Variants in TLN2 observed in about 807,000 individuals in gnomAD.
TLN2 encodes talin-2.
In TLN2, 118 loss-of-function variants were observed where a neutral mutation model predicts 294.7. The observed-to-expected ratio is 0.40, with a 90% CI of 0.34 to 0.47. The LOEUF is 0.47. Among genes scored for constraint, TLN2 ranks in the 20% least tolerant of loss-of-function variants. TLN2 has a pLI of 0.84. For missense variants in TLN2, 3,083 were observed against 3,282.2 expected, an observed-to-expected ratio of 0.94 and a Z score of 1.48; for synonymous variants, 1,431 against 1,304.5, an observed-to-expected ratio of 1.10 and a Z score of -2.09.
At chr15:62,622,514 G>A in intron 3 of TLN2, among the ~76,000 whole-genome samples, 1 of 152,168 alleles carries the variant, frequency 6.6e-6, no homozygotes, top group East Asian at 1.9e-4. Context: ...TGATAATCAT[G>A]AAGGGGACAC....
chr15:62,775,212 T>A (rs1460856392), intron 42 of TLN2, among the ~76,000 whole-genome samples: 1 of 149,564 alleles, frequency 6.7e-6, no homozygotes, highest in Non-Finnish European at 1.5e-5. Context: ...TGCCTCGGCC[T>A]GAATTGCTGG....
At chr15:62,745,510 A>G (rs558976837) in intron 32 of TLN2, among the ~76,000 whole-genome samples, 3 of 152,300 alleles carry the variant, frequency 2.0e-5, no homozygotes, top group East Asian at 3.9e-4. Context: ...ACCTTTTAAT[A>G]TATGTCGTTC....
At chr15:62,672,269 T>G (rs961557559) in intron 9 of TLN2, among the ~76,000 whole-genome samples, 3 of 152,242 alleles carry the variant, frequency 2.0e-5, no homozygotes, top group African/African-American at 7.2e-5. Context: ...TCTCCTCATT[T>G]ACAGTTTTCA....
At chr15:62,585,291 C>T (rs910949462) in intron 1 of TLN2, among the ~76,000 whole-genome samples, 37 of 152,156 alleles carry the variant, frequency 2.4e-4, no homozygotes, top group African/African-American at 8.9e-4. Context: ...TGTCTTTTTT[C>T]TTTAATGCTG....
chr15:62,631,441 TCTTCCTTC>T (rs1311377998), intron 3 of TLN2, among the ~76,000 whole-genome samples: 1 of 151,124 alleles, frequency 6.6e-6, no homozygotes, highest in African/African-American at 2.4e-5. Context: ...TTTCTTCCTT[TCTTCCTTC>T]CTTTCTCTTT....
At chr15:62,413,858 A>G (rs1566952735) in intron 1 of TLN2, among the ~76,000 whole-genome samples, 1 of 152,072 alleles carries the variant, frequency 6.6e-6, no homozygotes, top group Non-Finnish European at 1.5e-5. Flanking sequence ...TAGATTACAC[A>G]TTGTCTTGGT....
intron 1 of TLN2, among the ~76,000 whole-genome samples, chr15:62,484,971 G>C (rs1373003734): frequency 6.6e-6 from 1 of 152,150 alleles, no homozygotes; most frequent in African/African-American, 2.4e-5. Flanking sequence ...CTTCCTTCAG[G>C]AAGCTCCAAG....
At position 62,393,606 on chromosome 15, in the gene TLN2, A is replaced by G. The variant is rs142691758; in HGVS notation, c.-238+2921A>G. On this transcript the variant is annotated intron_variant, in intron 1 of 58. Coordinates refer to ENST00000636159, the MANE Select transcript of TLN2 (RefSeq NM_015059.3). ...TGGTGAATGATATAAATTTTTACCA[A>G]CTATGCTCAGAAAAAAACTATGCAT... 2.7e-3 allele frequency among the ~76,000 whole-genome samples: 405 copies of G among 152,248 alleles called. 3 individuals are homozygous for G. The highest frequency in any genetic ancestry group is 5.6e-3 in the Admixed American group (86 of 15,288).
chr15:62,576,041 C>A (rs148924995), intron 1 of TLN2, among the ~76,000 whole-genome samples: 14 of 152,158 alleles, frequency 9.2e-5, no homozygotes, highest in African/African-American at 2.9e-4. Flanking sequence ...TCTTGGTCTG[C>A]AGGGGTCTGT....
At chr15:62,568,160 G>T (rs1235334466) in intron 1 of TLN2, among the ~76,000 whole-genome samples, 1 of 152,144 alleles carries the variant, frequency 6.6e-6, no homozygotes, top group Non-Finnish European at 1.5e-5. Flanking sequence ...GCTTGGGCAA[G>T]GAACATGGTC....
At chr15:62,408,478 A>C (rs911768919) in intron 1 of TLN2, among the ~76,000 whole-genome samples, 3 of 152,192 alleles carry the variant, frequency 2.0e-5, no homozygotes, top group African/African-American at 7.2e-5. Context: ...TTAATGCAAT[A>C]TTGTCACTGT....
At position 62,805,808 on chromosome 15, in the gene TLN2, G is replaced by A. The variant is rs765623036; in HGVS notation, c.6663+23G>A. The A allele has an allele frequency of 1.7e-5, 27 of 1,604,150 alleles. No homozygotes were observed. In the East Asian group the frequency reaches 5.8e-4, roughly 35 times the overall value. On this transcript the variant is annotated intron_variant, in intron 51 of 58. Transcript: ENST00000636159. ...AAGGTAAAGAGCTTGGCATGGTTTT[G>A]GATGGACAGATGATTCTCTGTCGTG...
intron 12 of TLN2, among the ~76,000 whole-genome samples, chr15:62,688,904 G>A (rs2057527123): frequency 1.3e-5 from 2 of 151,966 alleles, no homozygotes; most frequent in Non-Finnish European, 2.9e-5. Context: ...TATTTGAAAT[G>A]AATTCTTGTA....
chr15:62,820,274 C>T (rs1239188645), intron 53 of TLN2, among the ~76,000 whole-genome samples: 2 of 152,012 alleles, frequency 1.3e-5, no homozygotes, highest in Non-Finnish European at 2.9e-5. Context: ...AAGGGCCATA[C>T]ATGCAACTGA....
At chr15:62,413,149 A>G (rs2033871389) in intron 1 of TLN2, among the ~76,000 whole-genome samples, 2 of 152,188 alleles carry the variant, frequency 1.3e-5, no homozygotes, top group Non-Finnish European at 1.5e-5. Flanking sequence ...AAGTTCATCA[A>G]CACTTGAATT....
rs764248336 is a variant in TLN2 at position 62,582,246 on chromosome 15, A to ACACACACACCCCCC, written c.-237-7439_-237-7438insCACACACCCCCCCA. On this transcript the variant is annotated intron_variant, in intron 1 of 58. Transcript: ENST00000636159. ...CACACACACACACACACACACACAC[A>ACACACACACCCCCC]CATTCATGCCTGACCCATTCCTGAC... 1.0e-3 allele frequency among the ~76,000 whole-genome samples: 139 copies of ACACACACACCCCCC among 137,310 alleles called. 1 individual carries two copies. The highest frequency in any genetic ancestry group is 4.2e-3 in the East Asian group (18 of 4,332). The allele number at this position is 137,310 out of a possible 152,430, so 90.1% of individuals were successfully genotyped here. A position where few individuals can be genotyped will look rare whatever the true frequency, so the allele number is the denominator to read the frequency against.
intron 12 of TLN2, among the ~76,000 whole-genome samples, chr15:62,687,166 TA>T (rs539510403): frequency 1.6e-3 from 239 of 152,314 alleles, no homozygotes; most frequent in African/African-American, 5.4e-3. Flanking sequence ...CTCTCTGTTT[TA>T]GATGGTCCTA....
intron 1 of TLN2, among the ~76,000 whole-genome samples, chr15:62,419,889 T>G (rs894992348): frequency 6.6e-5 from 10 of 152,102 alleles, no homozygotes; most frequent in African/African-American, 2.4e-4. Context: ...CCTCCCAAGG[T>G]GCTGGGATTA....
intron 1 of TLN2, among the ~76,000 whole-genome samples, chr15:62,504,940 CAG>C (rs945292364): frequency 6.7e-6 from 1 of 149,720 alleles, no homozygotes; most frequent in Admixed American, 6.6e-5. Context: ...CATTAAAAAA[CAG>C]AAACATGTTT....
Sources: allele counts gnomAD v4.1 joint callset (sites outside exome capture counted in the v4.1 genomes callset), GRCh38; gene constraint gnomAD v4.1.1; transcripts MANE v1.5; gene names NCBI Gene and HGNC (gene_info 2026-07-23, HGNC 2026-07-21).